MMP16: variants seen among roughly 807,000 people sequenced by gnomAD.
MMP16 encodes the protein matrix metallopeptidase 16.
A neutral mutation model predicts 67.8 loss-of-function variants in MMP16; 12 were observed. The ratio of observed to expected loss-of-function variants is 0.18; its 90% CI spans 0.11 to 0.29. The LOEUF (loss-of-function observed/expected upper bound fraction) is 0.29. Among genes scored for constraint, MMP16 ranks in the 10% least tolerant of loss-of-function variants. The pLI is 1.00. For synonymous variants in MMP16, 249 were observed against 255.9 expected (o/e 0.97, Z 0.26); for missense variants, 475 against 765.7 (o/e 0.62, Z 4.48).
intron 8 of MMP16, among the ~76,000 whole-genome samples, chr8:88,054,217 G>A (rs1314277551): frequency 1.3e-5 from 2 of 152,106 alleles, no homozygotes; most frequent in African/African-American, 4.8e-5. Flanking sequence ...TGAAAGTTAA[G>A]CTTCCATTTT....
At chr8:88,140,612 A>G (rs1307510609) in intron 4 of MMP16, among the ~76,000 whole-genome samples, 1 of 152,158 alleles carries the variant, frequency 6.6e-6, no homozygotes, top group African/African-American at 2.4e-5. Flanking sequence ...TGCTGTTGCT[A>G]TGAATAACAT....
intron 1 of MMP16, among the ~76,000 whole-genome samples, chr8:88,289,905 G>A (rs377502520): frequency 1.2e-4 from 18 of 152,164 alleles, no homozygotes; most frequent in African/African-American, 4.3e-4. Context: ...GCTCTAGGGT[G>A]CTTCCCTCAC....
rs1808072788 is a variant in MMP16, at chr8:88,037,681, T to C, written c.*3780A>G. Reference sequence around the variant, plus strand: ...TTCACAACCTTATCTACAATTCTGATGCGGAATTACTGCTTTACAGGAAAT... The same window carrying C: ...TTCACAACCTTATCTACAATTCTGACGCGGAATTACTGCTTTACAGGAAAT... On this transcript the variant is annotated 3_prime_UTR_variant, in exon 10 of 10. Coordinates refer to ENST00000286614, the MANE Select transcript of MMP16 (RefSeq NM_005941.5). The C allele has an allele frequency of 6.6e-6, 1 of 152,026 alleles. No individual in the cohort carries two copies. Among genetic ancestry groups the C allele is most frequent in the South Asian group, 2.1e-4 (1 of 4,834 alleles). The allele number at this position is 152,026 out of a possible 1,614,324, so 9.4% of individuals were successfully genotyped here.
chr8:88,082,500 G>A (rs2248056), intron 6 of MMP16, among the ~76,000 whole-genome samples: 149,925 of 152,248 alleles, frequency 0.98, 73,865 homozygotes, highest in East Asian at 1. Flanking sequence ...TATAATAGAA[G>A]TAAATTTTTG....
intron 1 of MMP16, among the ~76,000 whole-genome samples, chr8:88,262,999 T>TG (rs1242592129): frequency 3.3e-5 from 5 of 151,216 alleles, no homozygotes; most frequent in Non-Finnish European, 7.4e-5. Context: ...CACTCCAGCC[T>TG]GGCGACAGAG....
rs200104505 is a variant in MMP16 at position 88,074,598 on chromosome 8, T to A, written c.1222+7A>T. 260 of 1,612,864 alleles carry A rather than the reference T, an allele frequency of 1.6e-4. 6 individuals carry two copies. In the East Asian group the frequency reaches 4.6e-3, roughly 28 times the overall value. ...ACAACATAGCCAGATATGGAAAACA[T>A]CCTTACCTTTAAAGAACACAAAATT... On this transcript the variant is annotated splice_region_variant and intron_variant, in intron 7 of 9. Coordinates refer to ENST00000286614, the MANE Select transcript of MMP16 (RefSeq NM_005941.5).
At position 88,283,727 on chromosome 8, in the gene MMP16, T is replaced by C. The variant is rs574058694; in HGVS notation, c.132+43348A>G. ...ACCAAAAATGCTTTAAAATTTTTTA[T>C]TAATAATCATGAGGTTATACACTGA... On this transcript the variant is annotated intron_variant, in intron 1 of 9. Coordinates refer to ENST00000286614, the MANE Select transcript of MMP16 (RefSeq NM_005941.5). Among the ~76,000 whole-genome samples, 3 of 152,312 alleles carry C rather than the reference T, an allele frequency of 2.0e-5. No homozygotes were observed. In the South Asian group the frequency reaches 6.2e-4, roughly 32 times the overall value.
chr8:88,248,486 G>C (rs954579764), intron 1 of MMP16, among the ~76,000 whole-genome samples: 1 of 152,060 alleles, frequency 6.6e-6, no homozygotes, highest in Non-Finnish European at 1.5e-5. Flanking sequence ...AAGAGATGTA[G>C]AGGACACAGG....
At chr8:88,134,478 C>A (rs1390547462) in intron 4 of MMP16, among the ~76,000 whole-genome samples, 2 of 151,642 alleles carry the variant, frequency 1.3e-5, no homozygotes, top group Non-Finnish European at 3.0e-5. Context: ...GTATTTTCTA[C>A]ACACTTTATT....
At chr8:88,072,062 C>A (rs1347279465) in intron 7 of MMP16, among the ~76,000 whole-genome samples, 1 of 152,048 alleles carries the variant, frequency 6.6e-6, no homozygotes, top group East Asian at 1.9e-4. Context: ...GGTACGTGCA[C>A]AAGTTATGCA....
At chr8:88,191,032 T>G (rs759576215) in intron 2 of MMP16, among the ~76,000 whole-genome samples, 11 of 152,226 alleles carry the variant, frequency 7.2e-5, no homozygotes, top group African/African-American at 9.6e-5. Context: ...GCTTCAATTT[T>G]CATAAACGTA....
chr8:88,199,752 T>G (rs1182465516), intron 1 of MMP16, among the ~76,000 whole-genome samples: 1 of 151,980 alleles, frequency 6.6e-6, no homozygotes. Context: ...TACATATATA[T>G]CACAGATTAT....
rs75848550 is a variant in MMP16 at position 88,166,456 on chromosome 8, C to T, written c.709+1213G>A. On this transcript the variant is annotated intron_variant, in intron 4 of 9. Coordinates refer to ENST00000286614, the MANE Select transcript of MMP16 (RefSeq NM_005941.5). ...ACACATGCCTCTTATATTAAGTAACCACTCTCATATTAAGTAACTAAAAGT... is the reference window on the plus strand; with the variant it reads ...ACACATGCCTCTTATATTAAGTAACTACTCTCATATTAAGTAACTAAAAGT... Among the ~76,000 whole-genome samples, 1,480 of 151,458 alleles carry T rather than the reference C, an allele frequency of 9.8e-3. 19 individuals carry two copies. Among genetic ancestry groups the T allele is most frequent in the Middle Eastern group, 0.07 (20 of 284 alleles).
chr8:88,326,343 A>G (rs554757165), intron 1 of MMP16, among the ~76,000 whole-genome samples: 2 of 152,298 alleles, frequency 1.3e-5, no homozygotes, highest in Non-Finnish European at 2.9e-5. Context: ...CAAAGCTATC[A>G]AAGTAAAGCA....
intron 1 of MMP16, among the ~76,000 whole-genome samples, chr8:88,303,421 G>C (rs1341438051): frequency 6.6e-6 from 1 of 152,158 alleles, no homozygotes; most frequent in Non-Finnish European, 1.5e-5. Context: ...CAGAAGAAGA[G>C]GGGTCCCCCA....
chr8:88,163,072 T>G (rs1471104206), intron 4 of MMP16, among the ~76,000 whole-genome samples: 2 of 152,024 alleles, frequency 1.3e-5, no homozygotes, highest in Non-Finnish European at 2.9e-5. Context: ...CAGGAAAGGT[T>G]GGGAAGGCAA....
In MMP16 at chr8:88,298,359, C is replaced by A. The variant is rs76315576; in HGVS notation, c.132+28716G>T. ...GTACTGCTTGTAATTGCCAAATTTA[C>A]GTGTGGAACAAGAGATGAACCAGAG... On this transcript the variant is annotated intron_variant, in intron 1 of 9. Coordinates refer to ENST00000286614, the MANE Select transcript of MMP16 (RefSeq NM_005941.5). Among the ~76,000 whole-genome samples the A allele has an allele frequency of 8.5e-5, 13 of 152,212 alleles. No homozygotes were observed. In the South Asian group the frequency reaches 2.3e-3, roughly 27 times the overall value.
rs554680917 is a variant in MMP16 at position 88,072,462 on chromosome 8, C to T, written c.1222+2143G>A. Reference sequence around the variant, plus strand: ...GGGTTTATTTGAGGGTAAGAGTAAACTGGAGGAAAGAGTTGCCACAGCAGG... The same window carrying T: ...GGGTTTATTTGAGGGTAAGAGTAAATTGGAGGAAAGAGTTGCCACAGCAGG... On this transcript the variant is annotated intron_variant, in intron 7 of 9. Coordinates refer to ENST00000286614, the MANE Select transcript of MMP16 (RefSeq NM_005941.5). 4.8e-3 allele frequency among the ~76,000 whole-genome samples: 735 copies of T among 152,056 alleles called. 4 individuals carry two copies. Among genetic ancestry groups the T allele is most frequent in the Non-Finnish European group, 8.8e-3 (598 of 67,984 alleles).
chr8:88,089,535 G>A (rs1808898045), intron 6 of MMP16, among the ~76,000 whole-genome samples: 1 of 151,872 alleles, frequency 6.6e-6, no homozygotes, highest in Non-Finnish European at 1.5e-5. Context: ...GCTTGATGGG[G>A]CATCCAATGA....
Sources: gnomAD v4.1 joint callset for allele counts (sites outside exome capture counted in the v4.1 genomes callset) on GRCh38, gnomAD v4.1.1 for gene constraint, MANE v1.5 for transcripts, NCBI Gene and HGNC (gene_info 2026-07-23, HGNC 2026-07-21) for gene names.